The following SDK1 variants were observed in gnomAD, a reference collection of about 807,000 sequenced individuals.
SDK1 encodes the protein sidekick cell adhesion molecule 1.
A neutral mutation model predicts 245.5 loss-of-function variants in SDK1; 157 were observed. That is an observed-to-expected ratio of 0.64 (90% CI 0.56 to 0.73). The LOEUF (loss-of-function observed/expected upper bound fraction) is 0.73, where lower values mean the gene tolerates loss of function less well. Among genes scored for constraint, SDK1 ranks in the 30% least tolerant of loss-of-function variants. The probability of loss-of-function intolerance (pLI) is 0.00; values close to 1 mark genes in which losing one functional copy is unlikely to be tolerated. For synonymous variants in SDK1, 1,647 were observed against 1,278.5 expected, an observed-to-expected ratio of 1.29 and a Z score of -6.15; for missense variants, 3,583 against 3,002.3, an observed-to-expected ratio of 1.19 and a Z score of -4.52.
intron 38 of SDK1, among the ~76,000 whole-genome samples, chr7:4,219,417 A>G (rs957602789): frequency 3.3e-5 from 5 of 152,232 alleles, no homozygotes; most frequent in African/African-American, 1.2e-4. Context: ...GGGAGGCCTC[A>G]CAATCATAGT....
intron 1 of SDK1, among the ~76,000 whole-genome samples, chr7:3,532,471 T>G (rs1331356237): frequency 6.6e-6 from 1 of 152,142 alleles, no homozygotes; most frequent in African/African-American, 2.4e-5. Flanking sequence ...TAGCTTTGCC[T>G]CCTCTTCATG....
At chr7:3,368,291 C>T (rs1014312844) in intron 1 of SDK1, among the ~76,000 whole-genome samples, 4 of 152,198 alleles carry the variant, frequency 2.6e-5, no homozygotes, top group Admixed American at 1.3e-4. Context: ...ACAGAATCTG[C>T]TGGGTTCCTG....
chr7:3,488,270 TTTTTC>T (rs1293036836), intron 1 of SDK1, among the ~76,000 whole-genome samples: 3 of 152,152 alleles, frequency 2.0e-5, no homozygotes, highest in South Asian at 2.1e-4. Flanking sequence ...TTTATTTGCT[TTTTTC>T]TTTTCTTTTC....
At chr7:3,347,603 C>G (rs1054173254) in intron 1 of SDK1, among the ~76,000 whole-genome samples, 4 of 152,156 alleles carry the variant, frequency 2.6e-5, no homozygotes, top group Non-Finnish European at 4.4e-5. Context: ...GAGGCTAATC[C>G]ACTAGAACAA....
intron 4 of SDK1, among the ~76,000 whole-genome samples, chr7:3,800,181 A>G (rs1406137484): frequency 6.6e-6 from 1 of 152,076 alleles, no homozygotes; most frequent in East Asian, 1.9e-4. Context: ...TGTGTCTAAT[A>G]TTATGGGGGA....
chr7:4,244,941 G>T (rs757115692), intron 43 of SDK1, among the ~76,000 whole-genome samples: 12 of 152,158 alleles, frequency 7.9e-5, no homozygotes, highest in Non-Finnish European at 1.5e-4. Flanking sequence ...CTTCTGTGAG[G>T]CCAGCAAGAG....
intron 17 of SDK1, among the ~76,000 whole-genome samples, chr7:4,025,881 C>A (rs1452295696): frequency 6.6e-6 from 1 of 152,166 alleles, no homozygotes; most frequent in African/African-American, 2.4e-5. Flanking sequence ...TGTCTTTCTG[C>A]CTTGTGATGT....
chr7:3,409,465 G>C (rs1185925714), intron 1 of SDK1, among the ~76,000 whole-genome samples: 3 of 152,076 alleles, frequency 2.0e-5, no homozygotes, highest in Non-Finnish European at 4.4e-5. Flanking sequence ...TTCACCCATG[G>C]ACTTTGAAGT....
chr7:4,044,413 A>G (rs867121875), intron 17 of SDK1, among the ~76,000 whole-genome samples: 1 of 152,162 alleles, frequency 6.6e-6, no homozygotes, highest in East Asian at 1.9e-4. Context: ...CCACCTCTTC[A>G]TGGGAAAAGT....
chr7:4,100,044 T>C (rs1782433114), intron 22 of SDK1, among the ~76,000 whole-genome samples: 2 of 152,192 alleles, frequency 1.3e-5, no homozygotes, highest in Admixed American at 1.3e-4. Flanking sequence ...CCCAGAGATT[T>C]TGGCCGAGGA....
intron 35 of SDK1, among the ~76,000 whole-genome samples, chr7:4,189,940 A>G (rs990129191): frequency 2.0e-5 from 3 of 152,060 alleles, no homozygotes; most frequent in Non-Finnish European, 4.4e-5. Flanking sequence ...TATGGGTCCC[A>G]CCTTTCTTCT....
chr7:3,779,314 C>G (rs1780654796), intron 4 of SDK1, among the ~76,000 whole-genome samples: 1 of 152,136 alleles, frequency 6.6e-6, no homozygotes, highest in African/African-American at 2.4e-5. Flanking sequence ...AATCCCCATT[C>G]TTGAGTGGAT....
At chr7:3,489,653 A>G (rs1039087090) in intron 1 of SDK1, among the ~76,000 whole-genome samples, 3 of 152,182 alleles carry the variant, frequency 2.0e-5, no homozygotes, top group East Asian at 1.9e-4. Context: ...TTAAAATGTT[A>G]TTTTTTTCTG....
At chr7:4,006,267 G>C (rs1168404979) in intron 14 of SDK1, among the ~76,000 whole-genome samples, 1 of 152,194 alleles carries the variant, frequency 6.6e-6, no homozygotes, top group Non-Finnish European at 1.5e-5. Context: ...TTACCACTAA[G>C]AAAACGAAAG....
chr7:3,977,568 G>A (rs1384830261), intron 13 of SDK1, among the ~76,000 whole-genome samples: 1 of 152,266 alleles, frequency 6.6e-6, no homozygotes. Flanking sequence ...GTTGGGTGCT[G>A]TCATCCGTGG....
chr7:3,845,539 G>GAGT (rs1198515184), intron 5 of SDK1, among the ~76,000 whole-genome samples: 1 of 150,534 alleles, frequency 6.6e-6, no homozygotes, highest in African/African-American at 2.5e-5. Flanking sequence ...GCAAGATGTG[G>GAGT]AGTGGCCAGG....
At chr7:3,974,871 A>T (rs903420703) in intron 13 of SDK1, 4 of 207,674 alleles carry the variant, frequency 1.9e-5, no homozygotes, top group Non-Finnish European at 3.9e-5. Flanking sequence ...TAGCAAGTTC[A>T]TTTTTCCACA....
At chr7:4,025,398 C>T (rs1049011011) in intron 17 of SDK1, among the ~76,000 whole-genome samples, 2 of 152,176 alleles carry the variant, frequency 1.3e-5, no homozygotes, top group Admixed American at 1.3e-4. Context: ...AGGCACATAG[C>T]GGAGGACTGG....
At chr7:4,147,017 T>C (rs649086) in intron 29 of SDK1, among the ~76,000 whole-genome samples, 117,892 of 152,094 alleles carry the variant, frequency 0.78, 45,892 homozygotes, top group African/African-American at 0.85. Flanking sequence ...CCTTGCAGCG[T>C]CCAGGGTTGG....
Sources: gnomAD v4.1 joint callset for allele counts (sites outside exome capture counted in the v4.1 genomes callset) on GRCh38, gnomAD v4.1.1 for gene constraint, MANE v1.5 for transcripts, NCBI Gene and HGNC (gene_info 2026-07-23, HGNC 2026-07-21) for gene names.